UNC79: variants seen among roughly 807,000 people sequenced by gnomAD.
UNC79 encodes the protein protein unc-79 homolog.
Under a neutral mutation model 283.1 loss-of-function variants are expected in UNC79, and 37 were observed. The observed-to-expected ratio is 0.13, with a 90% CI of 0.10 to 0.17. The LOEUF (loss-of-function observed/expected upper bound fraction) is 0.17, where lower values mean the gene tolerates loss of function less well. Ranked by LOEUF, UNC79 falls within the 10% of genes least tolerant of loss-of-function variation. UNC79 has a pLI of 1.00. For missense variants in UNC79, 2,272 were observed against 3,211.1 expected, an observed-to-expected ratio of 0.71 and a Z score of 7.07; for synonymous variants, 1,107 against 1,200.2, an observed-to-expected ratio of 0.92 and a Z score of 1.61.
intron 41 of UNC79, among the ~76,000 whole-genome samples, chr14:93,680,771 G>C (rs1010021734): frequency 3.3e-5 from 5 of 151,804 alleles, no homozygotes; most frequent in African/African-American, 9.7e-5. Context: ...TTCCACCTCA[G>C]CCTCCCAAAG....
In UNC79 at chr14:93,531,985, G is replaced by A. The variant is rs181290368; in HGVS notation, c.1094-565G>A. Among the ~76,000 whole-genome samples, 3 of 152,256 alleles carry A rather than the reference G, an allele frequency of 2.0e-5. No individual in the cohort carries two copies. The highest frequency in any genetic ancestry group is 7.2e-5 in the African/African-American group (3 of 41,556). ...TTTGTAAAAGTAGCAGTGTGCAGGTGTTTTTAACCTCACTAAACATACACT... is the reference window on the plus strand; with the variant it reads ...TTTGTAAAAGTAGCAGTGTGCAGGTATTTTTAACCTCACTAAACATACACT... On this transcript the variant is annotated intron_variant, in intron 10 of 48. Transcript: ENST00000555664. This position sits in a 1 kb window ranked among gnomAD's most constrained non-coding sequence, Gnocchi z 4.2.
chr14:93,433,747 G>A (rs930063168), intron 1 of UNC79, among the ~76,000 whole-genome samples: 2 of 152,136 alleles, frequency 1.3e-5, no homozygotes, highest in South Asian at 4.1e-4. Flanking sequence ...AGGTTTCACT[G>A]GTTTGACAAG....
intron 39 of UNC79, among the ~76,000 whole-genome samples, chr14:93,659,516 G>T (rs987816881): frequency 6.6e-6 from 1 of 152,092 alleles, no homozygotes; most frequent in Non-Finnish European, 1.5e-5. Flanking sequence ...CTACTAACTA[G>T]GCGATCCTTC....
At chr14:93,489,928 C>T (rs1344884955) in intron 5 of UNC79, among the ~76,000 whole-genome samples, 1 of 152,200 alleles carries the variant, frequency 6.6e-6, no homozygotes, top group African/African-American at 2.4e-5. Flanking sequence ...AGTTCCAGCT[C>T]TCCTGGGCAT....
At chr14:93,682,822 A>G in intron 42 of UNC79, 128 bp downstream of exon 45, 1 of 763,368 alleles carries the variant, frequency 1.3e-6, no homozygotes, top group Non-Finnish European at 2.1e-6. Context: ...TTTGGAACGT[A>G]TTTTAACCTA....
chr14:93,417,921 G>T lies in UNC79; in HGVS notation c.-350-49750G>T, dbSNP rs911248691. On this transcript the variant is annotated intron_variant, in intron 1 of 49. Coordinates refer to the UNC79 transcript ENST00000256339. ...TATTGGTTATTCTAGTTATACATTC[G>T]TCTAAATTTTTTTCAAAGTTTTCGA... is the stretch of plus-strand genomic sequence containing the variant. Among the ~76,000 whole-genome samples, 11 of 151,600 alleles carry T rather than the reference G, an allele frequency of 7.3e-5. 2 individuals are homozygous for T. In the East Asian group the frequency reaches 1.8e-3, roughly 24 times the overall value.
chr14:93,625,104 G>A (rs145305657), intron 30 of UNC79, among the ~76,000 whole-genome samples: 179 of 152,284 alleles, frequency 1.2e-3, no homozygotes, highest in African/African-American at 4.2e-3. Flanking sequence ...TCCTTCATGA[G>A]CAAAATCCCT....
intron 5 of UNC79, among the ~76,000 whole-genome samples, chr14:93,493,652 A>C (rs1034274002): frequency 1.3e-5 from 2 of 151,984 alleles, no homozygotes; most frequent in Admixed American, 1.3e-4. Context: ...CATGGTGGTC[A>C]TATTAGTTTG....
intron 14 of UNC79, among the ~76,000 whole-genome samples, chr14:93,564,819 G>A (rs1414638309): frequency 6.6e-6 from 1 of 152,140 alleles, no homozygotes; most frequent in Admixed American, 6.5e-5. Context: ...GATGAGCCAG[G>A]AGAAGGAATT....
intron 14 of UNC79, among the ~76,000 whole-genome samples, chr14:93,556,257 A>G (rs1176919530): frequency 1.3e-5 from 2 of 151,810 alleles, no homozygotes; most frequent in East Asian, 3.9e-4. Context: ...GCCCAAGAGC[A>G]TGGCTTTTTA....
At chr14:93,543,512 C>T (rs1000967349) in intron 14 of UNC79, among the ~76,000 whole-genome samples, 14 of 151,882 alleles carry the variant, frequency 9.2e-5, no homozygotes, top group African/African-American at 3.1e-4. Context: ...TACAGGCATG[C>T]ATCACCACAT....
intron 24 of UNC79, among the ~76,000 whole-genome samples, chr14:93,599,350 TTAAG>T (rs1380832845): frequency 8.8e-6 from 1 of 113,380 alleles, no homozygotes; most frequent in African/African-American, 3.6e-5. Context: ...GTCCACATAC[TTAAG>T]TGTGTGTGTG....
chr14:93,625,154 A>G (rs1178811538), intron 30 of UNC79, among the ~76,000 whole-genome samples: 2 of 152,082 alleles, frequency 1.3e-5, no homozygotes, highest in Non-Finnish European at 2.9e-5. Context: ...TTCTGAGTCT[A>G]ATGGAAGCCC....
chr14:93,467,056 A>G (rs1357577724), intron 1 of UNC79, among the ~76,000 whole-genome samples: 1 of 152,158 alleles, frequency 6.6e-6, no homozygotes, highest in Non-Finnish European at 1.5e-5. Flanking sequence ...ATTAGTGCAC[A>G]ATCATTGTAT....
chr14:93,674,024 A>T (rs1048768525), intron 41 of UNC79, among the ~76,000 whole-genome samples: 5 of 152,134 alleles, frequency 3.3e-5, no homozygotes, highest in African/African-American at 9.7e-5. Context: ...GGCAACAATT[A>T]TGCTTTTGGT....
chr14:93,499,408 A>G (rs2059177186), intron 7 of UNC79, among the ~76,000 whole-genome samples: 1 of 152,228 alleles, frequency 6.6e-6, no homozygotes, highest in Non-Finnish European at 1.5e-5. Flanking sequence ...GTATTAAATA[A>G]CATTTATTTA....
chr14:93,417,774 A>G (rs2055495593), intron 1 of UNC79, among the ~76,000 whole-genome samples: 1 of 151,536 alleles, frequency 6.6e-6, no homozygotes, highest in Admixed American at 6.6e-5. Flanking sequence ...CATTCATTTC[A>G]TCTTCCATCA....
At chr14:93,365,166 A>C (rs1260548159) in intron 1 of UNC79, among the ~76,000 whole-genome samples, 1 of 152,054 alleles carries the variant, frequency 6.6e-6, no homozygotes, top group African/African-American at 2.4e-5. Context: ...TGGGTGGATC[A>C]CTTGAAGTGA....
chr14:93,689,065 A>C, intron 44 of UNC79: 2 of 472,946 alleles, frequency 4.2e-6, no homozygotes, highest in Non-Finnish European at 7.2e-6. Flanking sequence ...AAAAACCTCA[A>C]TTGTCCTTTC....
Sources: allele counts gnomAD v4.1 joint callset (sites outside exome capture counted in the v4.1 genomes callset), GRCh38; gene constraint gnomAD v4.1.1; non-coding constraint Gnocchi (gnomAD v3.1); transcripts MANE v1.5; gene names NCBI Gene and HGNC (gene_info 2026-07-23, HGNC 2026-07-21).